TNNI3K: variants seen among roughly 807,000 people sequenced by gnomAD.
The protein encoded by TNNI3K is serine/threonine-protein kinase TNNI3K.
A neutral mutation model predicts 114.5 loss-of-function variants in TNNI3K; 140 were observed. That is an observed-to-expected ratio of 1.22 (90% CI 1.07 to 1.41). The LOEUF (loss-of-function observed/expected upper bound fraction) is 1.41. Ranked by LOEUF, TNNI3K falls within the 40% of genes most tolerant of loss-of-function variation. The pLI, the probability that TNNI3K is intolerant of heterozygous loss-of-function variation, is 0.00. For synonymous variants in TNNI3K, 347 were observed against 347.5 expected (o/e 1.00, Z 0.02); for missense variants, 1,125 against 1,007.6 (o/e 1.12, Z -1.58).
intron 21 of TNNI3K, among the ~76,000 whole-genome samples, chr1:74,477,900 C>G (rs990565133): frequency 1.3e-5 from 2 of 152,150 alleles, no homozygotes; most frequent in Non-Finnish European, 2.9e-5. Flanking sequence ...ATGATAAGTT[C>G]TTATTGAAAC....
chr1:74,386,079 A>G (rs185081123), intron 17 of TNNI3K, among the ~76,000 whole-genome samples: 41 of 152,324 alleles, frequency 2.7e-4, no homozygotes, highest in Admixed American at 1.8e-3. Context: ...AGGGAGTTCC[A>G]CTGTACACAT....
At chr1:74,468,066 A>G (rs1667753078) in intron 21 of TNNI3K, 1 of 152,204 alleles carries the variant, frequency 6.6e-6, no homozygotes, top group South Asian at 2.1e-4. Context: ...AGGAAACATC[A>G]TAAAGAGGTA....
At chr1:74,528,561 T>C (rs187786893) in intron 23 of TNNI3K, among the ~76,000 whole-genome samples, 3 of 152,186 alleles carry the variant, frequency 2.0e-5, no homozygotes, top group African/African-American at 7.2e-5. Context: ...AATAAGTAAA[T>C]ATATTTAGGA....
chr1:74,308,736 A>G (rs1284174192), intron 5 of TNNI3K, among the ~76,000 whole-genome samples: 1 of 152,172 alleles, frequency 6.6e-6, no homozygotes, highest in South Asian at 2.1e-4. Context: ...GAAAGGATAA[A>G]CAAGATTGAT....
intron 5 of TNNI3K, among the ~76,000 whole-genome samples, chr1:74,320,773 T>C (rs1398046987): frequency 2.6e-5 from 4 of 152,174 alleles, no homozygotes; most frequent in African/African-American, 4.8e-5. Flanking sequence ...ACTCACCTTT[T>C]GAGTGTAATT....
At chr1:74,527,913 T>C (rs1464575139) in intron 23 of TNNI3K, among the ~76,000 whole-genome samples, 1 of 152,104 alleles carries the variant, frequency 6.6e-6, no homozygotes, top group African/African-American at 2.4e-5. Context: ...TGGCACTGCC[T>C]GGCAGAGGGT....
intron 4 of TNNI3K, among the ~76,000 whole-genome samples, chr1:74,254,900 G>A (rs1655177789): frequency 6.6e-6 from 1 of 152,134 alleles, no homozygotes; most frequent in African/African-American, 2.4e-5. Context: ...GGGGAGATGT[G>A]TTCTGCTGCA....
At chr1:74,371,934 G>A (rs1041041554) in intron 17 of TNNI3K, 96 of 151,496 alleles carry the variant, frequency 6.3e-4, no homozygotes, top group African/African-American at 2.3e-3. Flanking sequence ...GAATTTCACC[G>A]GTGGCAGTGG....
intron 23 of TNNI3K, among the ~76,000 whole-genome samples, chr1:74,498,256 C>T (rs1197504843): frequency 6.6e-6 from 1 of 152,142 alleles, no homozygotes; most frequent in Non-Finnish European, 1.5e-5. Context: ...TTGACATCCC[C>T]CTTATCTTGT....
intron 9 of TNNI3K, among the ~76,000 whole-genome samples, chr1:74,351,022 G>A (rs1178463711): frequency 2.0e-5 from 3 of 151,464 alleles, no homozygotes; most frequent in African/African-American, 7.3e-5. Flanking sequence ...ATGTTAGCTG[G>A]TTATTTTGCT....
chr1:74,479,344 G>A (rs1297616299), intron 21 of TNNI3K, among the ~76,000 whole-genome samples: 1 of 152,210 alleles, frequency 6.6e-6, no homozygotes, highest in East Asian at 1.9e-4. Flanking sequence ...AATGATAGCT[G>A]ATGCATAGTT....
In TNNI3K at chr1:74,489,172, CT is replaced by C; in HGVS notation, c.2122-11del. The C allele has an allele frequency of 6.2e-7, 1 of 1,601,806 alleles. No individual in the cohort carries two copies. The highest frequency in any genetic ancestry group is 2.2e-5 in the East Asian group (1 of 44,450). On this transcript the variant is annotated splice_polypyrimidine_tract_variant and intron_variant, in intron 21 of 24. Coordinates refer to ENST00000326637, the MANE Select transcript of TNNI3K (RefSeq NM_015978.3). Reference sequence around the variant, plus strand: ...CTTTTATTCTTAAGGGAAAAAAGTTCTTTTTTCTATTTACAGGGAAGACCCG... The same window carrying C: ...CTTTTATTCTTAAGGGAAAAAAGTTCTTTTTCTATTTACAGGGAAGACCCG...
intron 17 of TNNI3K, among the ~76,000 whole-genome samples, chr1:74,383,633 C>G (rs1663318705): frequency 6.6e-6 from 1 of 152,050 alleles, no homozygotes; most frequent in Non-Finnish European, 1.5e-5. Context: ...ACACACTAAG[C>G]TTAATTGGTA....
intron 2 of TNNI3K, among the ~76,000 whole-genome samples, chr1:74,246,324 C>T (rs1654550601): frequency 6.6e-6 from 1 of 152,244 alleles, no homozygotes. Context: ...TCACAGGTCA[C>T]AGAGGTCTTC....
At chr1:74,327,634 C>G (rs1659981086) in intron 5 of TNNI3K, among the ~76,000 whole-genome samples, 1 of 124,192 alleles carries the variant, frequency 8.1e-6, no homozygotes, top group Non-Finnish European at 1.7e-5. Flanking sequence ...TATTATATGT[C>G]AGATATGTCT....
chr1:74,327,581 A>G (rs927976500), intron 5 of TNNI3K, among the ~76,000 whole-genome samples: 27 of 146,356 alleles, frequency 1.8e-4, no homozygotes, highest in African/African-American at 6.2e-4. Flanking sequence ...TAATATATAT[A>G]TATCAGTGGT....
chr1:74,251,375 T>G (rs1362083411), intron 4 of TNNI3K, among the ~76,000 whole-genome samples: 4 of 140,316 alleles, frequency 2.9e-5, no homozygotes, highest in Non-Finnish European at 6.2e-5. Context: ...ATACAAATTA[T>G]ATTATGCATT....
At chr1:74,279,507 G>A (rs983534998) in intron 5 of TNNI3K, among the ~76,000 whole-genome samples, 1 of 152,058 alleles carries the variant, frequency 6.6e-6, no homozygotes, top group Non-Finnish European at 1.5e-5. Context: ...TGATTCATAT[G>A]CATATTCAAA....
intron 17 of TNNI3K, among the ~76,000 whole-genome samples, chr1:74,390,602 T>G (rs1193771665): frequency 6.6e-6 from 1 of 152,132 alleles, no homozygotes; most frequent in African/African-American, 2.4e-5. Flanking sequence ...TGCTCAGTAC[T>G]GAGGTTATAG....
Sources: gnomAD v4.1 joint callset for allele counts (sites outside exome capture counted in the v4.1 genomes callset) on GRCh38, gnomAD v4.1.1 for gene constraint, MANE v1.5 for transcripts, NCBI Gene and HGNC (gene_info 2026-07-23, HGNC 2026-07-21) for gene names.